Variants in PDGFRL observed in about 807,000 individuals in gnomAD.
The protein encoded by PDGFRL is platelet-derived growth factor receptor-like protein.
PDGFRL carries 46 observed loss-of-function variants against 37.2 expected under a neutral mutation model. The ratio of observed to expected loss-of-function variants is 1.24; its 90% CI spans 0.98 to 1.58. The LOEUF (loss-of-function observed/expected upper bound fraction) is 1.58, where lower values mean the gene tolerates loss of function less well. PDGFRL is among the 40% of genes most tolerant of loss of function. PDGFRL has a pLI of 0.00. For missense variants in PDGFRL, 692 were observed against 467.6 expected (o/e 1.48, Z -4.43); for synonymous variants, 251 against 184.3 (o/e 1.36, Z -2.93).
At chr8:17,617,121 G>A (rs1804545844) in intron 2 of PDGFRL, among the ~76,000 whole-genome samples, 1 of 152,196 alleles carries the variant, frequency 6.6e-6, no homozygotes, top group Non-Finnish European at 1.5e-5. Context: ...TGGAAGCCAT[G>A]CACACACATA....
intron 3 of PDGFRL, among the ~76,000 whole-genome samples, chr8:17,622,299 A>G (rs375064276): frequency 1.6e-3 from 246 of 152,322 alleles, no homozygotes; most frequent in African/African-American, 5.7e-3. Flanking sequence ...CCCTCGTCCT[A>G]TTGTCGTCCA....
At chr8:17,610,606 C>T (rs1804390525) in intron 2 of PDGFRL, among the ~76,000 whole-genome samples, 1 of 152,082 alleles carries the variant, frequency 6.6e-6, no homozygotes, top group African/African-American at 2.4e-5. Flanking sequence ...TGAAAGATGA[C>T]CTTGTCAAAT....
rs1804784115 is a variant in PDGFRL, at chr8:17,628,537, T to G, written c.556T>G (p.Leu186Val). The G allele has an allele frequency of 5.6e-6, 9 of 1,613,978 alleles. No individual in the cohort carries two copies. The highest frequency in any genetic ancestry group is 7.6e-6 in the Non-Finnish European group (9 of 1,179,948). Residue 186 changes from leucine to valine, a missense_variant, in exon 4 of 6, where the codon TTG (leucine) becomes GTG (valine). Physicochemically the swap from Leu to Val is conservative, Grantham distance 32. Coordinates refer to ENST00000251630, the MANE Select transcript of PDGFRL (RefSeq NM_001372073.1). ...TCCCAGCTACTTCGATGTTGTCTACTTGAACCCGGACAGACAGGCTGTGGT... is the reference window on the plus strand; with the variant it reads ...TCCCAGCTACTTCGATGTTGTCTACGTGAACCCGGACAGACAGGCTGTGGT... ...PSPSYFDVVY[L>V]NPDRQAVVPC...
intron 1 of PDGFRL, among the ~76,000 whole-genome samples, chr8:17,582,028 A>C (rs1489931671): frequency 2.0e-5 from 3 of 152,076 alleles, no homozygotes; most frequent in Non-Finnish European, 2.9e-5. Flanking sequence ...AATTTCTTAG[A>C]GATTGGTTAT....
chr8:17,588,152 TCAA>T (rs10680336), intron 1 of PDGFRL, among the ~76,000 whole-genome samples: 83,485 of 151,794 alleles, frequency 0.55, 25,578 homozygotes, highest in East Asian at 0.77. Flanking sequence ...CCAGCAACTC[TCAA>T]CAATGTTGGT....
chr8:17,613,846 G>A (rs1804470876), intron 2 of PDGFRL, among the ~76,000 whole-genome samples: 1 of 152,136 alleles, frequency 6.6e-6, no homozygotes, highest in African/African-American at 2.4e-5. Context: ...GTAACAGAGT[G>A]AGACCCCATC....
At chr8:17,603,512 C>T (rs1303153655) in intron 2 of PDGFRL, among the ~76,000 whole-genome samples, 1 of 152,148 alleles carries the variant, frequency 6.6e-6, no homozygotes, top group Admixed American at 6.5e-5. Context: ...CATCCCAGAT[C>T]CCATAAACAT....
intron 5 of PDGFRL, among the ~76,000 whole-genome samples, chr8:17,636,899 G>A (rs1341538568): frequency 6.6e-6 from 1 of 152,138 alleles, no homozygotes; most frequent in African/African-American, 2.4e-5. Flanking sequence ...TTGAGTTATT[G>A]ATTTGATTCT....
intron 3 of PDGFRL, among the ~76,000 whole-genome samples, chr8:17,627,395 A>C (rs1804754483): frequency 6.6e-6 from 1 of 152,126 alleles, no homozygotes; most frequent in Non-Finnish European, 1.5e-5. Flanking sequence ...ATACATTTTC[A>C]GGGGACATAT....
rs559259621 is a variant in PDGFRL, at chr8:17,602,405, G to A, written c.353+12640G>A. Reference sequence around the variant, plus strand: ...GCCCCACTTCAGAGCTCTGTGGTATGTGTGTTGAGATAAATTCAGATCACA... The same window carrying A: ...GCCCCACTTCAGAGCTCTGTGGTATATGTGTTGAGATAAATTCAGATCACA... On this transcript the variant is annotated intron_variant, in intron 2 of 5. Coordinates refer to ENST00000251630, the MANE Select transcript of PDGFRL (RefSeq NM_001372073.1). Among the ~76,000 whole-genome samples, 3 of 152,276 alleles carry A rather than the reference G, an allele frequency of 2.0e-5. No individual in the cohort carries two copies. In the South Asian group the frequency reaches 6.2e-4, roughly 32 times the overall value.
At chr8:17,598,259 G>A (rs2720478) in intron 2 of PDGFRL, among the ~76,000 whole-genome samples, 21,027 of 152,208 alleles carry the variant, frequency 0.14, 3,885 homozygotes, top group African/African-American at 0.41. Flanking sequence ...GTGATCAGTA[G>A]TTTCCCTAGA....
chr8:17,590,615 G>A (rs903889849), intron 2 of PDGFRL, among the ~76,000 whole-genome samples: 15 of 152,000 alleles, frequency 9.9e-5, no homozygotes, highest in South Asian at 2.1e-4. Flanking sequence ...GCAGAGCTGA[G>A]GCAGAAGAGT....
intron 5 of PDGFRL, among the ~76,000 whole-genome samples, chr8:17,641,794 A>ACTGT (rs964112508): frequency 6.6e-6 from 1 of 150,780 alleles, no homozygotes; most frequent in African/African-American, 2.5e-5. Context: ...GTAGAAAATA[A>ACTGT]CTGTCTCTGG....
intron 4 of PDGFRL, among the ~76,000 whole-genome samples, chr8:17,632,242 A>G (rs1804877111): frequency 6.6e-6 from 1 of 152,122 alleles, no homozygotes; most frequent in Non-Finnish European, 1.5e-5. Flanking sequence ...CAAAAAAGGG[A>G]TCAAGCTAGC....
At chr8:17,599,714 A>G (rs1804127542) in intron 2 of PDGFRL, among the ~76,000 whole-genome samples, 1 of 152,148 alleles carries the variant, frequency 6.6e-6, no homozygotes, top group South Asian at 2.1e-4. Flanking sequence ...TAAACCTCTC[A>G]TCTTCATCTC....
chr8:17,592,666 T>C (rs1234758339), intron 2 of PDGFRL, among the ~76,000 whole-genome samples: 1 of 152,184 alleles, frequency 6.6e-6, no homozygotes, highest in East Asian at 1.9e-4. Context: ...CTTGGGCCCC[T>C]CAGTACCGGG....
chr8:17,632,101 G>C (rs1158033306), intron 4 of PDGFRL, among the ~76,000 whole-genome samples: 1 of 152,228 alleles, frequency 6.6e-6, no homozygotes, highest in Non-Finnish European at 1.5e-5. Flanking sequence ...CTGCCTTGGT[G>C]ATGGCACTAC....
chr8:17,589,441 G>T, intron 1 of PDGFRL, 27 bp from the exon 2 acceptor site: 2 of 1,557,658 alleles, frequency 1.3e-6, no homozygotes, highest in South Asian at 1.1e-5. Context: ...TTACTACAGC[G>T]CATTTCTCTC....
chr8:17,628,681 C>G lies in PDGFRL; in HGVS notation c.700C>G (p.Leu234Val). 1 of 1,613,988 alleles carries G rather than the reference C, an allele frequency of 6.2e-7. No individual in the cohort carries two copies. Among genetic ancestry groups the G allele is most frequent in the Non-Finnish European group, 8.5e-7 (1 of 1,179,836 alleles). The change falls in exon 4 of 6, where the codon CTG becomes GTG. Residue 234 changes from leucine (L) to valine (V), a missense_variant. Leu to Val is a conservative substitution (Grantham distance 32). Transcript: ENST00000251630. Reference protein sequence around the residue: ...VYDMKRGFVYLQPHSEHQGVV... With the variant: ...VYDMKRGFVYVQPHSEHQGVV... Reference sequence around the variant, plus strand: ...TGACATGAAGCGGGGCTTTGTGTATCTGCAACCTCATTCCGAGCACCAGGG... The same window carrying G: ...TGACATGAAGCGGGGCTTTGTGTATGTGCAACCTCATTCCGAGCACCAGGG...
Sources: gnomAD v4.1 joint callset for allele counts (sites outside exome capture counted in the v4.1 genomes callset) on GRCh38, gnomAD v4.1.1 for gene constraint, MANE v1.5 for transcripts, NCBI Gene and HGNC (gene_info 2026-07-23, HGNC 2026-07-21) for gene names.